The following MAP4 variants were observed in gnomAD, a reference collection of about 807,000 sequenced individuals.
MAP4 encodes microtubule associated protein 4.
A neutral mutation model predicts 170.2 loss-of-function variants in MAP4; 76 were observed. The ratio of observed to expected loss-of-function variants is 0.45; its 90% CI spans 0.37 to 0.54. The LOEUF is 0.54. MAP4 is among the 20% of genes least tolerant of loss of function. The pLI, the probability that MAP4 is intolerant of heterozygous loss-of-function variation, is 0.00. For synonymous variants in MAP4, 909 were observed against 994.5 expected (o/e 0.91, Z 1.62); for missense variants, 2,506 against 2,748.0 (o/e 0.91, Z 1.97).
chr3:47,967,952 C>T (rs1336451889), intron 3 of MAP4, among the ~76,000 whole-genome samples: 1 of 152,056 alleles, frequency 6.6e-6, no homozygotes, highest in East Asian at 1.9e-4. Flanking sequence ...AAGACCCTGC[C>T]TCAAAACAAA....
rs755259255 is a variant in MAP4 at position 47,869,246 on chromosome 3, T to A, written c.6376A>T (p.Ile2126Phe). Residue 2126 changes from isoleucine (I) to phenylalanine (F), a missense_variant, in exon 16 of 21, where the codon ATT becomes TTT. By Grantham distance (21) the Ile-to-Phe change is conservative. Around this residue, in one of 3 missense-constraint regions of MAP4, gnomAD observed 487 missense variants for 511.6 expected, o/e 0.95. Coordinates refer to ENST00000683076, the MANE Select transcript of MAP4 (RefSeq NM_001385682.1). ...SNAVTKTAGP[I>F]ASAQKQPAGK... ...GCAGGTTGTTTCTGTGCACTTGCAA[T>A]TGGGCCGGCTGTTTTAGTGACTGCA... The A allele has an allele frequency of 6.2e-7, 1 of 1,614,020 alleles. No homozygotes were observed. The highest frequency in any genetic ancestry group is 1.1e-5 in the South Asian group (1 of 91,072).
At chr3:47,891,650 G>T in intron 10 of MAP4, 1 of 1,536,126 alleles carries the variant, frequency 6.5e-7, no homozygotes, top group Non-Finnish European at 8.7e-7. Context: ...CTCCTCGGTA[G>T]AACTCAATTT....
chr3:48,026,044 T>C (rs538869510), intron 1 of MAP4, among the ~76,000 whole-genome samples: 1 of 152,072 alleles, frequency 6.6e-6, no homozygotes, highest in South Asian at 2.1e-4. Flanking sequence ...TATACTCTTC[T>C]CCTGTGTCCT....
chr3:47,981,562 G>A (rs2100085432), intron 2 of MAP4, among the ~76,000 whole-genome samples: 1 of 152,092 alleles, frequency 6.6e-6, no homozygotes, highest in Non-Finnish European at 1.5e-5. Context: ...TTGAGGTCAG[G>A]AGTTCGAGAC....
chr3:47,924,162 G>C (rs1032766367), intron 4 of MAP4, among the ~76,000 whole-genome samples: 3 of 152,148 alleles, frequency 2.0e-5, no homozygotes, highest in Admixed American at 2.0e-4. Context: ...ACAAGGTCAG[G>C]GATGGGAACA....
At chr3:47,915,245 T>A (rs564667113) in intron 7 of MAP4, among the ~76,000 whole-genome samples, 1 of 151,908 alleles carries the variant, frequency 6.6e-6, no homozygotes, top group African/African-American at 2.4e-5. Context: ...GCCTCCCGAG[T>A]AGCTGGGATT....
At chr3:48,085,960 G>C (rs903432691) in intron 1 of MAP4, among the ~76,000 whole-genome samples, 5 of 152,198 alleles carry the variant, frequency 3.3e-5, no homozygotes, top group Admixed American at 2.0e-4. Context: ...GCTGAGGCAG[G>C]AGAATCACTT....
intron 1 of MAP4, among the ~76,000 whole-genome samples, chr3:48,051,490 G>A (rs1197322445): frequency 1.3e-5 from 2 of 152,102 alleles, no homozygotes; most frequent in Admixed American, 1.3e-4. Flanking sequence ...TAGCACCATT[G>A]AGACTCTTAA....
At chr3:48,006,498 T>C (rs528110182) in intron 1 of MAP4, among the ~76,000 whole-genome samples, 1 of 152,298 alleles carries the variant, frequency 6.6e-6, no homozygotes, top group East Asian at 1.9e-4. Flanking sequence ...CTGTGGTCAT[T>C]ACCCCAGTGC....
At chr3:47,884,544 AT>A in intron 10 of MAP4, among the ~76,000 whole-genome samples, 1 of 152,166 alleles carries the variant, frequency 6.6e-6, no homozygotes, top group East Asian at 1.9e-4. Context: ...CTTGCAATGC[AT>A]TTATGGCCTG....
At position 47,916,964 on chromosome 3, in the gene MAP4, A is replaced by T; in HGVS notation, c.863T>A (p.Leu288Gln). 1 of 1,614,228 alleles carries T rather than the reference A, an allele frequency of 6.2e-7. No individual in the cohort carries two copies. The highest frequency in any genetic ancestry group is 2.2e-5 in the East Asian group (1 of 44,882). Reference protein sequence around the residue: ...MESPTKLDVTLAKDMQPSMES... With the variant: ...MESPTKLDVTQAKDMQPSMES... ...CATGGATGGCTGCATGTCCTTGGCC[A>T]GTGTCACATCTAATTTGGTGGGTGA... The change falls in exon 7 of 21, where the codon CTG (leucine) becomes CAG (glutamine). Residue 288 changes from leucine to glutamine, a missense_variant. Physicochemically the swap from Leu to Gln is moderately radical, Grantham distance 113. Around this residue, in one of 3 missense-constraint regions of MAP4, gnomAD observed 2,008 missense variants for 2,206.0 expected, o/e 0.91. Coordinates refer to ENST00000683076, the MANE Select transcript of MAP4 (RefSeq NM_001385682.1).
chr3:47,935,426 C>T (rs1018810981), intron 3 of MAP4, among the ~76,000 whole-genome samples: 2 of 152,074 alleles, frequency 1.3e-5, no homozygotes, highest in Non-Finnish European at 2.9e-5. Flanking sequence ...TCTTCATAAA[C>T]GGCAGCTAGA....
chr3:47,884,245 T>C (rs2097222838), intron 10 of MAP4, among the ~76,000 whole-genome samples: 1 of 152,252 alleles, frequency 6.6e-6, no homozygotes, highest in Non-Finnish European at 1.5e-5. Flanking sequence ...TCACTGATTC[T>C]GTCCTCTGTT....
intron 10 of MAP4, among the ~76,000 whole-genome samples, chr3:47,885,722 C>A (rs1443003682): frequency 1.3e-5 from 2 of 151,442 alleles, no homozygotes; most frequent in Admixed American, 6.6e-5. Context: ...TTTGTTAACG[C>A]CTTTGTTCTT....
At chr3:48,077,872 T>C (rs948714251) in intron 1 of MAP4, among the ~76,000 whole-genome samples, 4 of 152,208 alleles carry the variant, frequency 2.6e-5, no homozygotes. Flanking sequence ...AATGAAATGA[T>C]ACATGCTACA....
intron 4 of MAP4, among the ~76,000 whole-genome samples, chr3:47,927,443 G>A (rs755919795): frequency 6.6e-5 from 10 of 152,046 alleles, no homozygotes; most frequent in Non-Finnish European, 1.0e-4. Flanking sequence ...CTAGCTCTGG[G>A]CTACTACAGA....
At chr3:47,960,360 T>C (rs572349605) in intron 3 of MAP4, 52 of 231,656 alleles carry the variant, frequency 2.2e-4, no homozygotes, top group African/African-American at 1.1e-3. Flanking sequence ...CTTTTCTCCA[T>C]TAAATGATCT....
chr3:48,012,135 A>C (rs925222732), intron 1 of MAP4, among the ~76,000 whole-genome samples: 1 of 151,932 alleles, frequency 6.6e-6, no homozygotes, highest in Admixed American at 6.6e-5. Context: ...CTTCGCTTTG[A>C]CCTTTTTTGC....
chr3:47,920,568 T>TA (rs1291284530), intron 5 of MAP4, among the ~76,000 whole-genome samples: 41 of 93,728 alleles, frequency 4.4e-4, no homozygotes, highest in African/African-American at 1.4e-3. Context: ...TTTTTTTTTT[T>TA]AAGACAGGGT....
Sources: gnomAD v4.1 joint callset for allele counts (sites outside exome capture counted in the v4.1 genomes callset) on GRCh38, gnomAD v4.1.1 for gene constraint, gnomAD v4.1.1 regional missense constraint, MANE v1.5 for transcripts, NCBI Gene and HGNC (gene_info 2026-07-23, HGNC 2026-07-21) for gene names.